The following XKR9 variants were observed in gnomAD, a reference collection of about 807,000 sequenced individuals.
XKR9 encodes XK-related protein 9.
XKR9 carries 32 observed loss-of-function variants against 32.0 expected under a neutral mutation model. That is an observed-to-expected ratio of 1.00 (90% CI 0.76 to 1.34). XKR9 has a LOEUF of 1.34. XKR9 is among the 40% of genes most tolerant of loss of function. The pLI, the probability that XKR9 is intolerant of heterozygous loss-of-function variation, is 0.00. For synonymous variants in XKR9, 168 were observed against 143.4 expected (o/e 1.17, Z -1.22); for missense variants, 546 against 429.7 (o/e 1.27, Z -2.39).
At chr8:70,957,807 T>TTG in the XKR9 span, among the ~76,000 whole-genome samples, 1 of 134,894 alleles carries the variant, frequency 7.4e-6, no homozygotes, top group Non-Finnish European at 1.6e-5. Context: ...TTTTTTTTTT[T>TTG]GGGACGGAGT....
the XKR9 span, among the ~76,000 whole-genome samples, chr8:70,892,997 T>G: frequency 6.6e-6 from 1 of 152,148 alleles, no homozygotes; most frequent in Non-Finnish European, 1.5e-5. Context: ...CTTAGTGGTG[T>G]TATATAAGTC....
At chr8:70,761,762 C>G (rs554543708) in intron 2 of XKR9, among the ~76,000 whole-genome samples, 2 of 152,040 alleles carry the variant, frequency 1.3e-5, no homozygotes, top group East Asian at 3.9e-4. Context: ...GTCATGAAAT[C>G]TTTGCCCATG....
At chr8:70,853,064 T>C in the XKR9 span, among the ~76,000 whole-genome samples, 1 of 152,050 alleles carries the variant, frequency 6.6e-6, no homozygotes, top group Non-Finnish European at 1.5e-5. Context: ...TATTCAACCA[T>C]AAAAAAGAAT....
At chr8:70,902,874 C>A in the XKR9 span, among the ~76,000 whole-genome samples, 1 of 152,050 alleles carries the variant, frequency 6.6e-6, no homozygotes. Context: ...TTTTCTGCAT[C>A]TATTTCTGCA....
the XKR9 span, among the ~76,000 whole-genome samples, chr8:70,926,739 C>T: frequency 6.6e-6 from 1 of 152,222 alleles, no homozygotes; most frequent in African/African-American, 2.4e-5. Flanking sequence ...AAGTGCTCTA[C>T]CAACTTGTGA....
At chr8:70,939,868 G>T in the XKR9 span, among the ~76,000 whole-genome samples, 2 of 152,042 alleles carry the variant, frequency 1.3e-5, no homozygotes, top group Non-Finnish European at 2.9e-5. Context: ...TTGGTCACTT[G>T]CTGTATTCTA....
chr8:70,990,555 G>A, the XKR9 span, among the ~76,000 whole-genome samples: 233 of 152,292 alleles, frequency 1.5e-3, 1 homozygote, highest in African/African-American at 5.4e-3. Context: ...CAAAATATCT[G>A]AAATGTTATT....
At chr8:70,823,079 T>G in the XKR9 span, among the ~76,000 whole-genome samples, 1 of 152,172 alleles carries the variant, frequency 6.6e-6, no homozygotes, top group Non-Finnish European at 1.5e-5. Context: ...CAAAGAGATA[T>G]AAAAAGTGTT....
intron 1 of XKR9, among the ~76,000 whole-genome samples, chr8:70,670,953 A>G (rs1818695934): frequency 6.6e-6 from 1 of 152,160 alleles, no homozygotes; most frequent in African/African-American, 2.4e-5. Flanking sequence ...GGAGAAGAGG[A>G]TGGAACAGTA....
chr8:70,744,108 C>G (rs955605078), intron 2 of XKR9, among the ~76,000 whole-genome samples: 7 of 151,832 alleles, frequency 4.6e-5, no homozygotes, highest in East Asian at 3.9e-4. Context: ...GTCAGGAGTT[C>G]AAGACCACTC....
intron 1 of XKR9, among the ~76,000 whole-genome samples, chr8:70,670,052 G>A (rs1351561793): frequency 1.3e-5 from 2 of 152,102 alleles, no homozygotes; most frequent in East Asian, 1.9e-4. Flanking sequence ...ACAAACATCC[G>A]ACTTAACGCC....
At chr8:70,697,716 A>G (rs1263946708) in intron 3 of XKR9, among the ~76,000 whole-genome samples, 2 of 151,634 alleles carry the variant, frequency 1.3e-5, no homozygotes, top group South Asian at 4.2e-4. Flanking sequence ...GTTAGGGAGG[A>G]TTCCCTCTTT....
chr8:70,902,689 C>T, the XKR9 span, among the ~76,000 whole-genome samples: 1 of 152,306 alleles, frequency 6.6e-6, no homozygotes, highest in African/African-American at 2.4e-5. Context: ...TGAGAGAGGG[C>T]ATCCCTGTCT....
the XKR9 span, among the ~76,000 whole-genome samples, chr8:70,816,298 G>C: frequency 6.6e-6 from 1 of 152,186 alleles, no homozygotes; most frequent in African/African-American, 2.4e-5. Flanking sequence ...TAGCTGGGAA[G>C]TTAAATTAGT....
chr8:70,707,982 A>G (rs1805778583), intron 4 of XKR9, among the ~76,000 whole-genome samples: 1 of 151,962 alleles, frequency 6.6e-6, no homozygotes, highest in South Asian at 2.1e-4. Flanking sequence ...AGGGGATAAG[A>G]TTGTTATCTT....
chr8:70,872,002 C>A, the XKR9 span, among the ~76,000 whole-genome samples: 1 of 152,162 alleles, frequency 6.6e-6, no homozygotes, highest in African/African-American at 2.4e-5. Context: ...TTGCAATATG[C>A]ACATCATTGC....
chr8:70,961,553 A>G, the XKR9 span, among the ~76,000 whole-genome samples: 5 of 152,186 alleles, frequency 3.3e-5, no homozygotes, highest in Non-Finnish European at 7.3e-5. Flanking sequence ...TATTTTCTTT[A>G]TTGAAAATAT....
the XKR9 span, among the ~76,000 whole-genome samples, chr8:71,056,276 A>G: frequency 6.6e-6 from 1 of 151,914 alleles, no homozygotes; most frequent in East Asian, 1.9e-4. Context: ...GGGGATTTCA[A>G]TATTGGCTGA....
chr8:70,747,983 A>G, intron 2 of XKR9, among the ~76,000 whole-genome samples: 1 of 151,940 alleles, frequency 6.6e-6, no homozygotes, highest in East Asian at 1.9e-4. Flanking sequence ...TATCCCTGAA[A>G]TTTTCTGTTT....
Sources: allele counts gnomAD v4.1 joint callset (sites outside exome capture counted in the v4.1 genomes callset), GRCh38; gene constraint gnomAD v4.1.1; transcripts MANE v1.5; gene names NCBI Gene and HGNC (gene_info 2026-07-23, HGNC 2026-07-21).